TRAPPC8: variants seen among roughly 807,000 people sequenced by gnomAD.
TRAPPC8 encodes general sporulation gene 1 homolog.
In TRAPPC8, 54 loss-of-function variants were observed where a neutral mutation model predicts 174.3. That is an observed-to-expected ratio of 0.31 (90% CI 0.25 to 0.39). The LOEUF (loss-of-function observed/expected upper bound fraction) is 0.39, where lower values mean the gene tolerates loss of function less well. TRAPPC8 is among the 10% of genes least tolerant of loss of function. TRAPPC8 has a pLI of 1.00. For missense variants in TRAPPC8, 1,531 were observed against 1,699.1 expected (o/e 0.90, Z 1.74); for synonymous variants, 630 against 579.9 (o/e 1.09, Z -1.24).
intron 11 of TRAPPC8, among the ~76,000 whole-genome samples, chr18:31,893,691 T>C (rs2036063623): frequency 6.6e-6 from 1 of 152,220 alleles, no homozygotes; most frequent in Non-Finnish European, 1.5e-5. Context: ...AGCCATATTT[T>C]AATATCTAAA....
intron 22 of TRAPPC8, 163 bp from the exon 23 acceptor site, chr18:31,852,826 TA>T (rs2033783137): frequency 9.6e-6 from 6 of 627,378 alleles, no homozygotes; most frequent in African/African-American, 1.8e-5. Context: ...AATGACCTCT[TA>T]AAAAGGATAA....
At chr18:31,855,615 C>G (rs773068000) in intron 21 of TRAPPC8, 45 bp downstream of exon 21, 2 of 1,549,760 alleles carry the variant, frequency 1.3e-6, no homozygotes, top group Non-Finnish European at 1.7e-6. Flanking sequence ...AAGGGAAACA[C>G]TTCAAATATA....
intron 18 of TRAPPC8, among the ~76,000 whole-genome samples, chr18:31,865,123 C>T (rs1424189389): frequency 6.6e-6 from 1 of 151,944 alleles, no homozygotes; most frequent in East Asian, 1.9e-4. Flanking sequence ...TTAATTTAGG[C>T]CATGAGAACG....
At chr18:31,835,048 T>C (rs1051314247) in intron 27 of TRAPPC8, among the ~76,000 whole-genome samples, 1 of 152,218 alleles carries the variant, frequency 6.6e-6, no homozygotes, top group Non-Finnish European at 1.5e-5. Context: ...ACCTCTCCTG[T>C]AAAGATGCCT....
At chr18:31,890,364 T>A (rs1005203583) in intron 12 of TRAPPC8, among the ~76,000 whole-genome samples, 10 of 152,262 alleles carry the variant, frequency 6.6e-5, no homozygotes, top group East Asian at 1.9e-4. Flanking sequence ...AGGATTTTTT[T>A]AAAAAGTACT....
At chr18:31,861,142 T>G (rs1289827535) in intron 19 of TRAPPC8, among the ~76,000 whole-genome samples, 2 of 152,144 alleles carry the variant, frequency 1.3e-5, no homozygotes, top group Non-Finnish European at 2.9e-5. Context: ...GCAGAAATGG[T>G]GAATAAATGT....
rs184175507 is a variant in TRAPPC8 at position 31,935,069 on chromosome 18, G to A, written c.158-3546C>T. 2.6e-3 allele frequency among the ~76,000 whole-genome samples: 399 copies of A among 152,034 alleles called. 2 individuals carry two copies. The highest frequency in any genetic ancestry group is 8.7e-3 in the African/African-American group (363 of 41,498). On this transcript the variant is annotated intron_variant, in intron 1 of 28. Transcript: ENST00000283351. ...GTACAAAGAAAACAGGCTAGGCCGG[G>A]CGTGATGGCTCATGCCTGTAATCCC...
chr18:31,829,935 C>T lies in TRAPPC8; in HGVS notation c.*820G>A, dbSNP rs1013769205. On this transcript the variant is annotated 3_prime_UTR_variant, in exon 29 of 29. Coordinates refer to ENST00000283351, the MANE Select transcript of TRAPPC8 (RefSeq NM_014939.5). ...ACTTTCTAATCAACAGATACTAATA[C>T]GCTATACAGTGAATAGCATGTCTTT... is the stretch of plus-strand genomic sequence containing the variant. 9 of 152,548 alleles carry T rather than the reference C, an allele frequency of 5.9e-5. No individual in the cohort carries two copies. Among genetic ancestry groups the T allele is most frequent in the Non-Finnish European group, 1.2e-4 (8 of 68,034 alleles). The allele number at this position is 152,548 out of a possible 1,614,324, so 9.4% of individuals were successfully genotyped here.
At position 31,883,913 on chromosome 18, in the gene TRAPPC8, G is replaced by A. The variant is rs369703976; in HGVS notation, c.1728+6822C>T. On this transcript the variant is annotated intron_variant, in intron 12 of 28. Coordinates refer to ENST00000283351, the MANE Select transcript of TRAPPC8 (RefSeq NM_014939.5). The stretch of plus-strand genomic sequence containing the variant: ...TGTGAAAAACCAGTTGGGAGGTCGA[G>A]CGTGGTGACTTACACCTGTAATCCT... Among the ~76,000 whole-genome samples the A allele has an allele frequency of 7.2e-5, 11 of 152,340 alleles. No homozygotes were observed. In the South Asian group the frequency reaches 2.3e-3, roughly 32 times the overall value.
At position 31,874,257 on chromosome 18, in the gene TRAPPC8, C is replaced by T. The variant is rs2035032123; in HGVS notation, c.1953+223G>A. ...TTTTTTAAGATTCTAAGAACAGCCA[C>T]AAATCAAGTGTTCATTGTAATATTA... On this transcript the variant is annotated intron_variant, in intron 13 of 28. Coordinates refer to ENST00000283351, the MANE Select transcript of TRAPPC8 (RefSeq NM_014939.5). The T allele has an allele frequency of 8.2e-6, 4 of 489,724 alleles. No homozygotes were observed. The South Asian group carries it at 1.2e-4, about 15-fold the overall frequency. 30.3% of individuals were successfully genotyped at this position (489,724 alleles called of 1,614,324 possible).
chr18:31,837,136 A>C lies in TRAPPC8; in HGVS notation c.3983+2176T>G, dbSNP rs186821048. On this transcript the variant is annotated intron_variant, in intron 27 of 28. Coordinates refer to ENST00000283351, the MANE Select transcript of TRAPPC8 (RefSeq NM_014939.5). ...GTATCAGAGAAAGGAACAAAGCATG[A>C]GTACTGGGCAACATTAAGACCATGA... is the stretch of plus-strand genomic sequence containing the variant. Among the ~76,000 whole-genome samples the C allele has an allele frequency of 5.9e-3, 895 of 152,228 alleles. 2 individuals are homozygous for C. The highest frequency in any genetic ancestry group is 9.4e-3 in the Non-Finnish European group (639 of 68,012).
chr18:31,870,452 A>G lies in TRAPPC8; in HGVS notation c.2308T>C (p.Leu770=). 6.2e-7 allele frequency: 1 copy of G among 1,613,056 alleles called. No individual in the cohort carries two copies. Among genetic ancestry groups the G allele is most frequent in the African/African-American group, 1.3e-5 (1 of 75,020 alleles). ...CAAAGCAATGACAAATCAGTCAACA[A>G]AAGTAGAACTTTCAAAGGGTTTCTA... The part of the protein sequence containing the change: ...AFRNPLKVLL[L]LTDLSLLWKF... The change falls in exon 16 of 29, where the codon TTG becomes CTG. Residue 770 remains leucine, a synonymous_variant. Coordinates refer to ENST00000283351, the MANE Select transcript of TRAPPC8 (RefSeq NM_014939.5).
chr18:31,851,479 T>G (rs538428579), intron 24 of TRAPPC8, among the ~76,000 whole-genome samples: 62 of 152,224 alleles, frequency 4.1e-4, no homozygotes, highest in Admixed American at 4.1e-3. Context: ...TTGGACACAT[T>G]TTGAAACTTT....
chr18:31,939,619 T>C (rs1461128831), intron 1 of TRAPPC8: 1 of 152,212 alleles, frequency 6.6e-6, no homozygotes, highest in African/African-American at 2.4e-5. Context: ...GTCCAACTCA[T>C]TATACTCCTT....
Position 31,908,748 on chromosome 18 carries a change from C to T in TRAPPC8, c.1122+6G>A, listed in dbSNP as rs2036775213. 6.3e-7 allele frequency: 1 copy of T among 1,580,286 alleles called. No homozygotes were observed. Among genetic ancestry groups the T allele is most frequent in the South Asian group, 1.2e-5 (1 of 85,338 alleles). On this transcript the variant is annotated splice_donor_region_variant and intron_variant, in intron 7 of 28. Coordinates refer to ENST00000283351, the MANE Select transcript of TRAPPC8 (RefSeq NM_014939.5). ...TAAAATACTAATCCAAAAAATCAAA[C>T]CTTACCTGATCGTTTAATTGCCTAA...
At chr18:31,862,883 G>A (rs894282299) in intron 19 of TRAPPC8, among the ~76,000 whole-genome samples, 9 of 151,826 alleles carry the variant, frequency 5.9e-5, no homozygotes, top group Admixed American at 2.6e-4. Context: ...GTGAAACCTC[G>A]TCTCTACTAA....
intron 19 of TRAPPC8, among the ~76,000 whole-genome samples, chr18:31,861,187 A>G (rs1045390328): frequency 2.6e-5 from 4 of 152,208 alleles, no homozygotes; most frequent in African/African-American, 7.2e-5. Flanking sequence ...TAAAATGTTT[A>G]GGGTATGGAT....
At chr18:31,886,016 T>G (rs117761173) in intron 12 of TRAPPC8, among the ~76,000 whole-genome samples, 6,425 of 151,136 alleles carry the variant, frequency 0.043, 206 homozygotes, top group Non-Finnish European at 0.064. Context: ...ATTATTATTA[T>G]TATTTTGAGA....
At chr18:31,850,279 AC>A (rs1356361856) in intron 24 of TRAPPC8, among the ~76,000 whole-genome samples, 2 of 152,164 alleles carry the variant, frequency 1.3e-5, no homozygotes, top group Non-Finnish European at 2.9e-5. Context: ...TAAAGCCGTC[AC>A]CCCAAAATAA....
Sources: allele counts gnomAD v4.1 joint callset (sites outside exome capture counted in the v4.1 genomes callset), GRCh38; gene constraint gnomAD v4.1.1; transcripts MANE v1.5; gene names NCBI Gene and HGNC (gene_info 2026-07-23, HGNC 2026-07-21).